Variants in SPATA31C2 observed in about 807,000 individuals in gnomAD.
The protein encoded by SPATA31C2 is SPATA31 subfamily C member 2.
In SPATA31C2, 5 loss-of-function variants were observed where a neutral mutation model predicts 11.4. That is an observed-to-expected ratio of 0.44 (90% CI 0.23 to 0.92). The LOEUF (loss-of-function observed/expected upper bound fraction) is 0.92. Ranked by LOEUF, SPATA31C2 falls within the 40% of genes least tolerant of loss-of-function variation. The pLI, the probability that SPATA31C2 is intolerant of heterozygous loss-of-function variation, is 0.24. For missense variants in SPATA31C2, 1,353 were observed against 1,368.6 expected, an observed-to-expected ratio of 0.99 and a Z score of 0.18; for synonymous variants, 515 against 538.7, an observed-to-expected ratio of 0.96 and a Z score of 0.61.
Position 88,131,086 on chromosome 9 carries a change from C to T in SPATA31C2, c.1951G>A (p.Val651Met), listed in dbSNP as rs1361992116. 6.2e-7 allele frequency: 1 copy of T among 1,611,912 alleles called. No homozygotes were observed. The highest frequency in any genetic ancestry group is 8.5e-7 in the Non-Finnish European group (1 of 1,179,868). Reference sequence around the variant, plus strand: ...CACCTGTGTTTGGCCCAAAACCTCACAATATGGGCTCCCAGCACCTGCTGA... The same window carrying T: ...CACCTGTGTTTGGCCCAAAACCTCATAATATGGGCTCCCAGCACCTGCTGA... Reference protein sequence around the residue: ...CTQQVLGAHIVRFWAKHRWGL... With the variant: ...CTQQVLGAHIMRFWAKHRWGL... Residue 651 changes from valine (V) to methionine (M), a missense_variant, in exon 4 of 4, where the codon GTG (valine) becomes ATG (methionine). This residue lies in a region of SPATA31C2 where 1,075 missense variants were observed against 992.8 expected (regional missense o/e 1.08). Coordinates refer to ENST00000324915, the MANE Select transcript of SPATA31C2 (RefSeq NM_001350978.3).
rs769478528 is a variant in SPATA31C2 at position 88,132,431 on chromosome 9, G to T, written c.606C>A (p.Pro202=). Residue 202 remains proline (P), a synonymous_variant, in exon 4 of 4, where the codon CCC becomes CCA. Coordinates refer to ENST00000324915, the MANE Select transcript of SPATA31C2 (RefSeq NM_001350978.3). ...GGAAAAGTGCAGGTGGCTCGGGTGA[G>T]GGATGTTCTAGGAGAAGGGAAGGTT... is the stretch of plus-strand genomic sequence containing the variant. ...PPEPSLLLEH[P]SPEPPALFPH... is the part of the protein sequence containing the mutation. 1.4e-5 allele frequency: 23 copies of T among 1,611,158 alleles called. No individual in the cohort carries two copies. Among genetic ancestry groups the T allele is most frequent in the Non-Finnish European group, 1.3e-5 (15 of 1,178,114 alleles).
Position 88,129,640 on chromosome 9 carries a change from C to G in SPATA31C2, c.3397G>C (p.Asp1133His). ...CGGACACTTTTCAAGGGCTACTGATCTCTGATTTGTCTGTCTCTGTTGGGA... is the reference window on the plus strand; with the variant it reads ...CGGACACTTTTCAAGGGCTACTGATGTCTGATTTGTCTGTCTCTGTTGGGA... ...SRPNRDRQIR[D>H]Q The change falls in exon 4 of 4, where the codon GAT becomes CAT. Residue 1133 changes from aspartate to histidine, a missense_variant. By Grantham distance (81) the Asp-to-His change is moderately conservative. Coordinates refer to ENST00000324915, the MANE Select transcript of SPATA31C2 (RefSeq NM_001350978.3). 2 of 1,603,098 alleles carry G rather than the reference C, an allele frequency of 1.2e-6. No homozygotes were observed. Among genetic ancestry groups the G allele is most frequent in the Non-Finnish European group, 1.7e-6 (2 of 1,172,916 alleles).
Position 88,133,339 on chromosome 9 carries a change from G to GC in SPATA31C2, c.265+254dup, listed in dbSNP as rs755794698. 4.1e-3 allele frequency among the ~76,000 whole-genome samples: 236 copies of GC among 57,176 alleles called. No homozygotes were observed. In the East Asian group the frequency reaches 0.052, roughly 13 times the overall value. 37.5% of individuals were successfully genotyped at this position (57,176 alleles called of 152,430 possible). ...AACAGCTGTTCCCAGGGAGCGGGAG[G>GC]CCCCTCACCCCCCTCCGCATCCAGG... On this transcript the variant is annotated intron_variant, in intron 2 of 3. Coordinates refer to ENST00000324915, the MANE Select transcript of SPATA31C2 (RefSeq NM_001350978.3).
intron 1 of SPATA31C2, among the ~76,000 whole-genome samples, chr9:88,134,420 T>G (rs1825651574): frequency 6.6e-6 from 1 of 150,648 alleles, no homozygotes; most frequent in Non-Finnish European, 1.5e-5. Context: ...AAGGGACTGA[T>G]GAGCCAGGGC....
Position 88,130,006 on chromosome 9 carries a change from C to G in SPATA31C2, c.3031G>C (p.Glu1011Gln), listed in dbSNP as rs1301907727. Residue 1011 changes from glutamate to glutamine, a missense_variant, in exon 4 of 4, where the codon GAA becomes CAA. Physicochemically the swap from Glu to Gln is conservative, Grantham distance 29. Coordinates refer to ENST00000324915, the MANE Select transcript of SPATA31C2 (RefSeq NM_001350978.3). ...KQPPSISHFG[E>Q]NIKQFFQTIF... ...GTCTGAAAAAATTGCTTGATGTTTT[C>G]TCCAAAGTGGCTTATTGAAGGAGGC... 1 of 1,608,828 alleles carries G rather than the reference C, an allele frequency of 6.2e-7. No individual in the cohort carries two copies. Among genetic ancestry groups the G allele is most frequent in the African/African-American group, 1.3e-5 (1 of 74,778 alleles).
Position 88,132,560 on chromosome 9 carries a change from A to G in SPATA31C2, c.477T>C (p.Ala159=), listed in dbSNP as rs1193484147. The G allele has an allele frequency of 6.2e-7, 1 of 1,610,598 alleles. No homozygotes were observed. The highest frequency in any genetic ancestry group is 2.2e-5 in the East Asian group (1 of 44,646). Residue 159 remains alanine, a synonymous_variant, in exon 4 of 4, where the codon GCT becomes GCC. Transcript: ENST00000324915. ...EDAAPIVSPL[A]SPDPRTKHPQ... ...GATGCTTGGTTCGAGGATCCGGGGA[A>G]GCTAACGGGGAGACAATGGGAGCAG...
At chr9:88,137,466 A>T (rs1825696270) in intron 1 of SPATA31C2, among the ~76,000 whole-genome samples, 1 of 145,880 alleles carries the variant, frequency 6.9e-6, no homozygotes, top group South Asian at 2.2e-4. Context: ...TACTAAAAAT[A>T]CAAAAATTAG....
chr9:88,130,579 T>C lies in SPATA31C2; in HGVS notation c.2458A>G (p.Ser820Gly). 1 of 1,613,452 alleles carries C rather than the reference T, an allele frequency of 6.2e-7. No individual in the cohort carries two copies. The highest frequency in any genetic ancestry group is 8.5e-7 in the Non-Finnish European group (1 of 1,179,628). Reference protein sequence around the residue: ...TCMRANLQATSEDVRGFKAPG... With the variant: ...TCMRANLQATGEDVRGFKAPG... The stretch of plus-strand genomic sequence containing the variant: ...GCCTTGAAACCACGCACATCCTCAC[T>C]TGTGGCTTGGAGGTTTGCTCTCATA... The change falls in exon 4 of 4, where the codon AGT becomes GGT. Residue 820 changes from serine (S) to glycine (G), a missense_variant. Coordinates refer to ENST00000324915, the MANE Select transcript of SPATA31C2 (RefSeq NM_001350978.3).
chr9:88,132,308 T>G lies in SPATA31C2; in HGVS notation c.729A>C (p.Pro243=). 1 of 1,610,710 alleles carries G rather than the reference T, an allele frequency of 6.2e-7. No homozygotes were observed. Among genetic ancestry groups the G allele is most frequent in the Non-Finnish European group, 8.5e-7 (1 of 1,177,726 alleles). ...GAAGTGCCACTGAGTCACAGTGAGA[T>G]GGTGTTAACAGAGTGGAGTCCCGCA... ...PPLRDSTLLT[P]SHCDSVALPL... The change falls in exon 4 of 4, where the codon CCA becomes CCC. Residue 243 remains proline, a synonymous_variant. Coordinates refer to ENST00000324915, the MANE Select transcript of SPATA31C2 (RefSeq NM_001350978.3).
chr9:88,135,365 C>T lies in SPATA31C2; in HGVS notation c.190-1696G>A, dbSNP rs1259203717. Among the ~76,000 whole-genome samples, 4 of 92,988 alleles carry T rather than the reference C, an allele frequency of 4.3e-5. 1 individual carries two copies. The highest frequency in any genetic ancestry group is 6.9e-4 in the South Asian group (2 of 2,916). 61.0% of individuals were successfully genotyped at this position (92,988 alleles called of 152,430 possible). A position where few individuals can be genotyped will look rare whatever the true frequency, so the allele number is the denominator to read the frequency against. ...GGATTTTTATTTTCAGAATCTCGTTCGTCCTCAACTCCGGCTTTCCCACAC... is the reference window on the plus strand; with the variant it reads ...GGATTTTTATTTTCAGAATCTCGTTTGTCCTCAACTCCGGCTTTCCCACAC... On this transcript the variant is annotated intron_variant, in intron 1 of 3. Coordinates refer to ENST00000324915, the MANE Select transcript of SPATA31C2 (RefSeq NM_001350978.3).
In SPATA31C2 at chr9:88,131,604, C is replaced by T; in HGVS notation, c.1433G>A (p.Gly478Glu). 1 of 1,611,864 alleles carries T rather than the reference C, an allele frequency of 6.2e-7. No homozygotes were observed. Among genetic ancestry groups the T allele is most frequent in the East Asian group, 2.2e-5 (1 of 44,844 alleles). ...GGGTTTGCCCTTGGCCTGACTTGTC[C>T]CTGGCAATTCATCCTGAAGCTGCAT... Reference protein sequence around the residue: ...DLMQLQDELPGTSQAKGKPRP... With the variant: ...DLMQLQDELPETSQAKGKPRP... Residue 478 changes from glycine to glutamate, a missense_variant, in exon 4 of 4, where the codon GGG becomes GAG. Transcript: ENST00000324915.
rs571331920 is a variant in SPATA31C2, at chr9:88,131,915, G to A, written c.1122C>T (p.Asn374=). 215 of 1,610,360 alleles carry A rather than the reference G, an allele frequency of 1.3e-4. 1 individual carries two copies. The African/African-American group carries it at 2.5e-3, about 19-fold the overall frequency. Residue 374 remains asparagine (N), a synonymous_variant, in exon 4 of 4, where the codon AAC becomes AAT. Transcript: ENST00000324915. ...GCGACGCAGGGCAAGCTACTCCAGT[G>A]TTCTTCATCGGGGATAGAAAAGCAG... ...LSPAFLSPMK[N]TGVACPASQN... is the part of the protein sequence containing the mutation.
At chr9:88,135,172 CG>C (rs1825664302) in intron 1 of SPATA31C2, among the ~76,000 whole-genome samples, 1 of 124,610 alleles carries the variant, frequency 8.0e-6, no homozygotes, top group African/African-American at 3.3e-5. Context: ...ATCCTTCCTT[CG>C]CACTAAGTTT....
rs1428911056 is a variant in SPATA31C2 at position 88,131,776 on chromosome 9, C to A, written c.1261G>T (p.Asp421Tyr). 11 of 1,611,792 alleles carry A rather than the reference C, an allele frequency of 6.8e-6. No individual in the cohort carries two copies. Among genetic ancestry groups the A allele is most frequent in the Non-Finnish European group, 9.3e-6 (11 of 1,179,730 alleles). Residue 421 changes from aspartate (D) to tyrosine (Y), a missense_variant, in exon 4 of 4, where the codon GAC becomes TAC. Coordinates refer to ENST00000324915, the MANE Select transcript of SPATA31C2 (RefSeq NM_001350978.3). ...TTAGGAGTGGAGACACTAAAGACGTCCTGAGATTTTTGGACCCTAGAGGGT... is the reference window on the plus strand; with the variant it reads ...TTAGGAGTGGAGACACTAAAGACGTACTGAGATTTTTGGACCCTAGAGGGT... ...ALPSRVQKSQ[D>Y]VFSVSTPNLP...
In SPATA31C2 at chr9:88,131,812, C is replaced by G. The variant is rs1465007407; in HGVS notation, c.1225G>C (p.Gly409Arg). The G allele has an allele frequency of 6.2e-7, 1 of 1,611,570 alleles. No individual in the cohort carries two copies. The highest frequency in any genetic ancestry group is 8.5e-7 in the Non-Finnish European group (1 of 1,179,578). The change falls in exon 4 of 4, where the codon GGG becomes CGG. Residue 409 changes from glycine (G) to arginine (R), a missense_variant. Around this residue, in one of 6 missense-constraint regions of SPATA31C2, gnomAD observed 1,075 missense variants for 992.8 expected, o/e 1.08. Transcript: ENST00000324915. ...RPLLKKQLEGGLALPSRVQKS... is the reference protein window; with the variant it reads ...RPLLKKQLEGRLALPSRVQKS... ...TGGACCCTAGAGGGTAAAGCCAACC[C>G]ACCTTCTAGTTGTTTCTTCAACAAA...
Position 88,130,113 on chromosome 9 carries a change from C to T in SPATA31C2, c.2924G>A (p.Arg975Lys), listed in dbSNP as rs781708956. The T allele has an allele frequency of 6.2e-7, 1 of 1,607,878 alleles. No individual in the cohort carries two copies. The highest frequency in any genetic ancestry group is 2.3e-5 in the East Asian group (1 of 44,404). Residue 975 changes from arginine to lysine, a missense_variant, in exon 4 of 4, where the codon AGG becomes AAG. By Grantham distance (26) the Arg-to-Lys change is conservative. Transcript: ENST00000324915. ...CCTGCCTGGGGTAAGTTGAGGAGTCCTCAATCCTTGAAACATTTCTTCATG... is the reference window on the plus strand; with the variant it reads ...CCTGCCTGGGGTAAGTTGAGGAGTCTTCAATCCTTGAAACATTTCTTCATG... ...EKHEEMFQGL[R>K]TPQLTPGRKT...
At position 88,129,743 on chromosome 9, in the gene SPATA31C2, G is replaced by C. The variant is rs778032912; in HGVS notation, c.3294C>G (p.His1098Gln). ...TTCTGCTGTGTTCTGAGTAGAACGG[G>C]TGTCTGTGGTTGCAGGGAAACCCAC... ...PVCGFPCNHR[H>Q]PFYSEHSRML... The change falls in exon 4 of 4, where the codon CAC becomes CAG. Residue 1098 changes from histidine to glutamine, a missense_variant. His to Gln is a conservative substitution (Grantham distance 24). Transcript: ENST00000324915. The C allele has an allele frequency of 3.4e-5, 55 of 1,603,728 alleles. No individual in the cohort carries two copies. The highest frequency in any genetic ancestry group is 4.6e-5 in the Non-Finnish European group (54 of 1,173,514).
chr9:88,131,245 G>C lies in SPATA31C2; in HGVS notation c.1792C>G (p.Arg598Gly). The change falls in exon 4 of 4, where the codon CGA becomes GGA. Residue 598 changes from arginine (R) to glycine (G), a missense_variant. Arg to Gly is a moderately radical substitution (Grantham distance 125). Transcript: ENST00000324915. ...NEGLIPVSVR[R>G]SWLAVNQAFP... ...GCCTGGTTGACAGCAAGCCAGGATC[G>C]ACGCACACTCACGGGGATCAAGCCC... is the stretch of plus-strand genomic sequence containing the variant. 6.2e-7 allele frequency: 1 copy of C among 1,611,904 alleles called. No individual in the cohort carries two copies. Among genetic ancestry groups the C allele is most frequent in the Non-Finnish European group, 8.5e-7 (1 of 1,179,868 alleles).
At chr9:88,136,534 A>T (rs1379229116) in intron 1 of SPATA31C2, among the ~76,000 whole-genome samples, 1 of 147,420 alleles carries the variant, frequency 6.8e-6, no homozygotes, top group Non-Finnish European at 1.5e-5. Flanking sequence ...GCAGGGCAAA[A>T]GTTTTAAATT....
Sources: allele counts gnomAD v4.1 joint callset (sites outside exome capture counted in the v4.1 genomes callset), GRCh38; gene constraint gnomAD v4.1.1; regional missense constraint gnomAD v4.1.1; transcripts MANE v1.5; gene names NCBI Gene and HGNC (gene_info 2026-07-23, HGNC 2026-07-21).